The following ZEB1 variants were observed in gnomAD, a reference collection of about 807,000 sequenced individuals.
ZEB1 encodes the protein zinc finger E-box-binding homeobox 1.
ZEB1 carries 21 observed loss-of-function variants against 84.9 expected under a neutral mutation model. The observed-to-expected ratio is 0.25, with a 90% CI of 0.18 to 0.36. The LOEUF is 0.36. ZEB1 is among the 10% of genes least tolerant of loss of function. The pLI, the probability that ZEB1 is intolerant of heterozygous loss-of-function variation, is 1.00. For missense variants in ZEB1, 1,104 were observed against 1,330.2 expected, an observed-to-expected ratio of 0.83 and a Z score of 2.65; for synonymous variants, 420 against 471.1, an observed-to-expected ratio of 0.89 and a Z score of 1.41.
intron 1 of ZEB1, among the ~76,000 whole-genome samples, chr10:31,442,733 A>G (rs1031407877): frequency 2.6e-5 from 4 of 152,180 alleles, no homozygotes; most frequent in South Asian, 2.1e-4. Flanking sequence ...GTGAGTTAAG[A>G]GGAAACTGAT....
intron 1 of ZEB1, among the ~76,000 whole-genome samples, chr10:31,340,133 G>A (rs1161106980): frequency 6.6e-6 from 1 of 151,992 alleles, no homozygotes; most frequent in East Asian, 1.9e-4. Context: ...GTGCATTACT[G>A]TAAGGTTCAT....
intron 1 of ZEB1, among the ~76,000 whole-genome samples, chr10:31,406,758 T>G (rs903281494): frequency 6.6e-6 from 1 of 152,182 alleles, no homozygotes; most frequent in African/African-American, 2.4e-5. Context: ...GTTCATGAAG[T>G]GTTTGCTCAT....
chr10:31,487,097 G>T (rs1220360419), intron 2 of ZEB1, among the ~76,000 whole-genome samples: 1 of 151,292 alleles, frequency 6.6e-6, no homozygotes. Context: ...TCTGGACTTT[G>T]TTCCATTCTG....
At chr10:31,448,054 C>G (rs201673440) in intron 1 of ZEB1, among the ~76,000 whole-genome samples, 1 of 148,884 alleles carries the variant, frequency 6.7e-6, no homozygotes, top group African/African-American at 2.5e-5. Context: ...GTACACCAAT[C>G]AGATGTAGAT....
intron 1 of ZEB1, among the ~76,000 whole-genome samples, chr10:31,379,104 A>G (rs1197484134): frequency 6.6e-6 from 1 of 152,036 alleles, no homozygotes; most frequent in Non-Finnish European, 1.5e-5. Context: ...TGTAGCTGAG[A>G]CCAGTTGGTC....
chr10:31,363,687 T>G, intron 1 of ZEB1: 1 of 1,282,728 alleles, frequency 7.8e-7, no homozygotes, highest in South Asian at 1.3e-5. Flanking sequence ...AAGGGATCCT[T>G]ACGGGGCTGA....
At chr10:31,353,477 A>G (rs752445686) in intron 1 of ZEB1, among the ~76,000 whole-genome samples, 4 of 152,184 alleles carry the variant, frequency 2.6e-5, no homozygotes, top group Non-Finnish European at 2.9e-5. Context: ...ACAAGTGGCT[A>G]TTTGCCATAG....
chr10:31,448,028 T>TCC (rs2060022971), intron 1 of ZEB1, among the ~76,000 whole-genome samples: 1 of 150,460 alleles, frequency 6.6e-6, no homozygotes, highest in South Asian at 2.1e-4. Context: ...GGTTCCATTC[T>TCC]CCCCATCACT....
intron 2 of ZEB1, among the ~76,000 whole-genome samples, chr10:31,466,517 G>C (rs915666830): frequency 6.6e-6 from 1 of 152,046 alleles, no homozygotes; most frequent in Non-Finnish European, 1.5e-5. Context: ...ACAACCAAAG[G>C]TCAAAGAAGA....
chr10:31,321,294 G>A, intron 1 of ZEB1: 2 of 1,377,508 alleles, frequency 1.5e-6, no homozygotes, highest in Non-Finnish European at 1.9e-6. Flanking sequence ...TAATATATTC[G>A]AGCCATCATT....
intron 6 of ZEB1, among the ~76,000 whole-genome samples, chr10:31,515,674 T>G (rs1315352120): frequency 6.6e-6 from 1 of 152,098 alleles, no homozygotes; most frequent in Non-Finnish European, 1.5e-5. Context: ...TCATTAAGGC[T>G]AACCCTCAAT....
chr10:31,414,039 G>A (rs767591643), intron 1 of ZEB1, among the ~76,000 whole-genome samples: 2 of 152,048 alleles, frequency 1.3e-5, no homozygotes, highest in Non-Finnish European at 2.9e-5. Context: ...TAGCAAATTC[G>A]GAATCATTTT....
chr10:31,461,372 T>A, intron 2 of ZEB1, 135 bp downstream of exon 2: 3 of 894,136 alleles, frequency 3.4e-6, no homozygotes, highest in Non-Finnish European at 5.2e-6. Context: ...TTAGGTGTCC[T>A]ACTTACTAAA....
At chr10:31,351,055 C>CT (rs2041238678) in intron 1 of ZEB1, among the ~76,000 whole-genome samples, 1 of 152,156 alleles carries the variant, frequency 6.6e-6, no homozygotes, top group African/African-American at 2.4e-5. Flanking sequence ...TAAAAGGCTC[C>CT]TTTGCAGCCA....
chr10:31,358,630 A>G (rs1232734441), intron 1 of ZEB1: 2 of 152,110 alleles, frequency 1.3e-5, no homozygotes, highest in Non-Finnish European at 2.9e-5. Flanking sequence ...TGTCATCTTT[A>G]TTGTCTGATT....
intron 1 of ZEB1, among the ~76,000 whole-genome samples, chr10:31,428,064 CCTT>C (rs2057209558): frequency 6.6e-6 from 1 of 152,020 alleles, no homozygotes; most frequent in Non-Finnish European, 1.5e-5. Flanking sequence ...GTCTCTGTCT[CCTT>C]CAGTTCAGCT....
intron 1 of ZEB1, among the ~76,000 whole-genome samples, chr10:31,322,856 TC>T (rs1349713256): frequency 3.3e-5 from 5 of 152,070 alleles, no homozygotes; most frequent in Non-Finnish European, 5.9e-5. Context: ...CAGCACCATT[TC>T]CCCTTGCTGT....
chr10:31,506,494 T>G (rs1335290902), intron 4 of ZEB1, among the ~76,000 whole-genome samples: 1 of 152,084 alleles, frequency 6.6e-6, no homozygotes, highest in Non-Finnish European at 1.5e-5. Context: ...CTTACTGAAT[T>G]GATTCCTTTG....
chr10:31,416,415 T>C (rs1182373609), intron 1 of ZEB1, among the ~76,000 whole-genome samples: 1 of 152,164 alleles, frequency 6.6e-6, no homozygotes, highest in Non-Finnish European at 1.5e-5. Context: ...TGCTGATGTA[T>C]ATTTTCCAGT....
Sources: gnomAD v4.1 joint callset for allele counts (sites outside exome capture counted in the v4.1 genomes callset) on GRCh38, gnomAD v4.1.1 for gene constraint, MANE v1.5 for transcripts, NCBI Gene and HGNC (gene_info 2026-07-23, HGNC 2026-07-21) for gene names.